Variants in LMNTD1 observed in about 807,000 individuals in gnomAD.
The protein encoded by LMNTD1 is lamin tail domain-containing protein 1.
In LMNTD1, 35 loss-of-function variants were observed where a neutral mutation model predicts 50.9. The ratio of observed to expected loss-of-function variants is 0.69; its 90% CI spans 0.53 to 0.91. LMNTD1 has a LOEUF of 0.91. Among genes scored for constraint, LMNTD1 ranks in the 40% least tolerant of loss-of-function variants. The pLI, the probability that LMNTD1 is intolerant of heterozygous loss-of-function variation, is 0.00. For synonymous variants in LMNTD1, 153 were observed against 161.9 expected (o/e 0.94, Z 0.42); for missense variants, 470 against 475.5 (o/e 0.99, Z 0.11).
upstream of LMNTD1, among the ~76,000 whole-genome samples, chr12:25,558,227 A>C (rs1217393563): frequency 6.6e-6 from 1 of 152,154 alleles, no homozygotes; most frequent in Non-Finnish European, 1.5e-5. Context: ...TCAAAAAACC[A>C]ACTTTTTGTT....
At chr12:25,487,268 G>T (rs12309388) in intron 9 of LMNTD1, among the ~76,000 whole-genome samples, 48,471 of 91,410 alleles carry the variant, frequency 0.53, 13,507 homozygotes, top group East Asian at 0.92. Context: ...TGTGGGAGTC[G>T]AAGTCTCTTT....
At chr12:25,549,785 G>A (rs1172458778) in intron 2 of LMNTD1, among the ~76,000 whole-genome samples, 1 of 152,054 alleles carries the variant, frequency 6.6e-6, no homozygotes, top group South Asian at 2.1e-4. Context: ...ATTGTAGATA[G>A]TTCTGAAAAT....
intron 1 of LMNTD1, among the ~76,000 whole-genome samples, chr12:25,559,825 T>C (rs896011187): frequency 1.3e-5 from 2 of 152,264 alleles, no homozygotes; most frequent in Non-Finnish European, 2.9e-5. Flanking sequence ...CACGTGTCTG[T>C]TCACTGCATA....
At chr12:25,496,540 C>CA (rs1939075448) in intron 9 of LMNTD1, among the ~76,000 whole-genome samples, 1 of 151,986 alleles carries the variant, frequency 6.6e-6, no homozygotes, top group Non-Finnish European at 1.5e-5. Flanking sequence ...CCGGAGTGTC[C>CA]AAAAATGAGG....
intron 8 of LMNTD1, among the ~76,000 whole-genome samples, chr12:25,516,918 T>C (rs1182910481): frequency 6.6e-6 from 1 of 151,458 alleles, no homozygotes; most frequent in East Asian, 1.9e-4. Flanking sequence ...GATACTTCTC[T>C]AAAGAAGACA....
At chr12:25,621,568 ATAT>A (rs1356992057) in intron 1 of LMNTD1, among the ~76,000 whole-genome samples, 15 of 152,342 alleles carry the variant, frequency 9.8e-5, no homozygotes, top group African/African-American at 3.4e-4. Flanking sequence ...AAACATGTTT[ATAT>A]TATATCTGAA....
At chr12:25,573,158 T>C (rs1378296525) in intron 1 of LMNTD1, among the ~76,000 whole-genome samples, 1 of 152,152 alleles carries the variant, frequency 6.6e-6, no homozygotes, top group African/African-American at 2.4e-5. Context: ...CCTTGGCCTT[T>C]TCTCTGTTTG....
chr12:25,576,977 G>T (rs1035524199), intron 1 of LMNTD1, among the ~76,000 whole-genome samples: 38 of 152,108 alleles, frequency 2.5e-4, no homozygotes, highest in Non-Finnish European at 5.1e-4. Context: ...GTTTTTCCCA[G>T]GTTTGTCAAA....
rs1943428583 is a variant in LMNTD1, at chr12:25,546,367, T to A, written c.491+7A>T. Reference sequence around the variant, plus strand: ...AAGATACTAAGTAGTTCAAATAAAATATGTACCTGGAGGTAAATTGGCCAA... The same window carrying A: ...AAGATACTAAGTAGTTCAAATAAAAAATGTACCTGGAGGTAAATTGGCCAA... On this transcript the variant is annotated splice_region_variant and intron_variant, in intron 4 of 9. Transcript: ENST00000458174. 3 of 1,554,484 alleles carry A rather than the reference T, an allele frequency of 1.9e-6. No individual in the cohort carries two copies. In the East Asian group the frequency reaches 6.9e-5, roughly 36 times the overall value.
rs141179912 is a variant in LMNTD1 at position 25,496,279 on chromosome 12, CATG to C, written c.*22+7456_*22+7458del. Among the ~76,000 whole-genome samples, 487 of 152,226 alleles carry C rather than the reference CATG, an allele frequency of 3.2e-3. 4 individuals carry two copies. The highest frequency in any genetic ancestry group is 5.1e-3 in the Non-Finnish European group (350 of 67,974). ...TGTATGTTTATACTCCCAATGTGAA[CATG>C]ATAATCATCACAAATGGAGACAGCT... On this transcript the variant is annotated intron_variant, in intron 9 of 9. Coordinates refer to ENST00000458174, the MANE Select transcript of LMNTD1 (RefSeq NM_001145728.2).
intron 4 of LMNTD1, among the ~76,000 whole-genome samples, chr12:25,536,744 C>G (rs966857027): frequency 8.3e-5 from 8 of 95,986 alleles, no homozygotes; most frequent in Non-Finnish European, 1.7e-4. Flanking sequence ...CAAATAGGAA[C>G]AGCTCCAGTC....
chr12:25,586,164 T>G (rs994660339), intron 1 of LMNTD1: 1 of 152,234 alleles, frequency 6.6e-6, no homozygotes, highest in African/African-American at 2.4e-5. Flanking sequence ...GTAAAAGTAC[T>G]ATTTGATTTT....
chr12:25,614,725 A>G (rs951168907), intron 1 of LMNTD1, among the ~76,000 whole-genome samples: 1 of 152,194 alleles, frequency 6.6e-6, no homozygotes, highest in Admixed American at 6.5e-5. Context: ...GAAAGTGGCT[A>G]TATTAGTTTG....
intron 1 of LMNTD1, among the ~76,000 whole-genome samples, chr12:25,646,691 C>T (rs7972554): frequency 0.6 from 91,387 of 151,972 alleles, 28,129 homozygotes; most frequent in Non-Finnish European, 0.68. Flanking sequence ...AGGTCACCAC[C>T]GACTGAACAG....
upstream of LMNTD1, among the ~76,000 whole-genome samples, chr12:25,555,342 C>T (rs1187297598): frequency 1.3e-5 from 2 of 152,060 alleles, no homozygotes; most frequent in Non-Finnish European, 2.9e-5. Flanking sequence ...GCAATAATAC[C>T]ATCAGCAGCA....
chr12:25,559,339 T>C (rs1944183986), intron 1 of LMNTD1, among the ~76,000 whole-genome samples: 1 of 152,168 alleles, frequency 6.6e-6, no homozygotes, highest in African/African-American at 2.4e-5. Context: ...AATGATGGTT[T>C]CCAGCTTCAT....
chr12:25,633,767 C>T (rs1421084378), intron 1 of LMNTD1, among the ~76,000 whole-genome samples: 1 of 151,974 alleles, frequency 6.6e-6, no homozygotes, highest in African/African-American at 2.4e-5. Flanking sequence ...CCTCAAGGAA[C>T]TAGAGAAACA....
At chr12:25,584,812 G>C (rs1945451064) in intron 1 of LMNTD1, among the ~76,000 whole-genome samples, 1 of 151,954 alleles carries the variant, frequency 6.6e-6, no homozygotes, top group Non-Finnish European at 1.5e-5. Flanking sequence ...TTTCATCATA[G>C]ACTGGGGTCT....
intron 8 of LMNTD1, among the ~76,000 whole-genome samples, chr12:25,507,101 C>A (rs1020945383): frequency 4.6e-5 from 7 of 152,068 alleles, no homozygotes; most frequent in African/African-American, 1.7e-4. Context: ...GTCTCAAACT[C>A]CTGACCTTAA....
Sources: allele counts gnomAD v4.1 joint callset (sites outside exome capture counted in the v4.1 genomes callset), GRCh38; gene constraint gnomAD v4.1.1; transcripts MANE v1.5; gene names NCBI Gene and HGNC (gene_info 2026-07-23, HGNC 2026-07-21).